SPOP: variants seen among roughly 807,000 people sequenced by gnomAD.
SPOP encodes speckle type BTB/POZ protein.
A neutral mutation model predicts 45.6 loss-of-function variants in SPOP; 11 were observed. The observed-to-expected ratio is 0.24, with a 90% CI of 0.15 to 0.40. SPOP has a LOEUF of 0.40. Among genes scored for constraint, SPOP ranks in the 10% least tolerant of loss-of-function variants. SPOP has a pLI of 1.00. For synonymous variants in SPOP, 166 were observed against 166.3 expected, an observed-to-expected ratio of 1.00 and a Z score of 0.01; for missense variants, 152 against 465.6, an observed-to-expected ratio of 0.33 and a Z score of 6.20.
At chr17:49,629,251 T>TA (rs1414697222) in intron 1 of SPOP, among the ~76,000 whole-genome samples, 1 of 151,502 alleles carries the variant, frequency 6.6e-6, no homozygotes, top group Non-Finnish European at 1.5e-5. Context: ...AAAAAAAAAA[T>TA]AAAAAATACT....
At chr17:49,628,895 T>C (rs1294127661) in intron 1 of SPOP, among the ~76,000 whole-genome samples, 2 of 152,164 alleles carry the variant, frequency 1.3e-5, no homozygotes, top group Non-Finnish European at 2.9e-5. Flanking sequence ...AACTATTCTA[T>C]ATATCCCTTA....
intron 1 of SPOP, among the ~76,000 whole-genome samples, chr17:49,634,744 A>C (rs1269138407): frequency 6.6e-6 from 1 of 152,254 alleles, no homozygotes; most frequent in Non-Finnish European, 1.5e-5. Context: ...ACTTCAGCCA[A>C]GCCATTTAAA....
At chr17:49,643,889 C>T in intron 1 of SPOP, among the ~76,000 whole-genome samples, 1 of 149,328 alleles carries the variant, frequency 6.7e-6, no homozygotes, top group East Asian at 2.0e-4. Flanking sequence ...GAGATCGTGC[C>T]ACTGCACTCC....
At chr17:49,667,461 C>T (rs777125624) in intron 1 of SPOP, among the ~76,000 whole-genome samples, 9 of 151,062 alleles carry the variant, frequency 6.0e-5, no homozygotes, top group Non-Finnish European at 8.9e-5. Context: ...TGGTGGCATG[C>T]GCCTGTCATC....
In SPOP at chr17:49,644,642, TG is replaced by T. The variant is rs1372757292; in HGVS notation, c.-66-21767del. On this transcript the variant is annotated intron_variant, in intron 1 of 9. Transcript: ENST00000504102. ...TATAATAAAAACAAAACAGCTAAAA[TG>T]GAAGACCTAGATCTGAATCTACCAA... is the stretch of plus-strand genomic sequence containing the variant. 7.2e-5 allele frequency among the ~76,000 whole-genome samples: 11 copies of T among 152,160 alleles called. No individual in the cohort carries two copies. In the South Asian group the frequency reaches 2.3e-3, roughly 32 times the overall value.
chr17:49,616,487 T>C (rs749078911), intron 5 of SPOP, among the ~76,000 whole-genome samples: 123 of 152,052 alleles, frequency 8.1e-4, no homozygotes, highest in Non-Finnish European at 1.1e-3. Context: ...TAAATATGAA[T>C]TAAAACAAAT....
intron 5 of SPOP, among the ~76,000 whole-genome samples, chr17:49,616,324 G>T (rs2676801): frequency 0.072 from 10,889 of 152,136 alleles, 491 homozygotes; most frequent in East Asian, 0.21. Context: ...TGTATTTATT[G>T]TATCAGGATG....
At chr17:49,643,082 G>C (rs990207856) in intron 1 of SPOP, among the ~76,000 whole-genome samples, 11 of 152,166 alleles carry the variant, frequency 7.2e-5, no homozygotes, top group Non-Finnish European at 1.5e-4. Flanking sequence ...GGTCTTATTG[G>C]TTGTCTTAAA....
At chr17:49,642,911 CG>C (rs1319112772) in intron 1 of SPOP, among the ~76,000 whole-genome samples, 1 of 152,212 alleles carries the variant, frequency 6.6e-6, no homozygotes, top group Admixed American at 6.5e-5. Context: ...TGATGGAATA[CG>C]TCATCTATGT....
chr17:49,635,602 GA>G (rs753600624), intron 1 of SPOP, among the ~76,000 whole-genome samples: 1 of 149,884 alleles, frequency 6.7e-6, no homozygotes, highest in Non-Finnish European at 1.5e-5. Flanking sequence ...AAAGTAAAAT[GA>G]AGCCTACAAA....
chr17:49,668,834 T>C (rs1180324390), intron 1 of SPOP, among the ~76,000 whole-genome samples: 2 of 150,698 alleles, frequency 1.3e-5, no homozygotes. Context: ...TGGAGTGCAA[T>C]GGCACGATCT....
At chr17:49,659,664 T>C (rs2072961078) in intron 1 of SPOP, among the ~76,000 whole-genome samples, 1 of 152,190 alleles carries the variant, frequency 6.6e-6, no homozygotes, top group Non-Finnish European at 1.5e-5. Context: ...TTCAAGACCA[T>C]CAACAAGCGG....
At chr17:49,612,612 C>A (rs557020605) in intron 5 of SPOP, among the ~76,000 whole-genome samples, 1 of 152,250 alleles carries the variant, frequency 6.6e-6, no homozygotes, top group African/African-American at 2.4e-5. Context: ...TGTTAGGGTA[C>A]CAAATACAAG....
At chr17:49,612,622 G>C (rs2071998089) in intron 5 of SPOP, among the ~76,000 whole-genome samples, 1 of 152,148 alleles carries the variant, frequency 6.6e-6, no homozygotes, top group African/African-American at 2.4e-5. Context: ...CCAAATACAA[G>C]GATTTATAAA....
At chr17:49,634,021 A>T (rs2072499088) in intron 1 of SPOP, among the ~76,000 whole-genome samples, 1 of 152,200 alleles carries the variant, frequency 6.6e-6, no homozygotes, top group East Asian at 1.9e-4. Flanking sequence ...CTGCTTAAAA[A>T]AAAAAAAAAC....
intron 1 of SPOP, among the ~76,000 whole-genome samples, chr17:49,637,870 T>C (rs994170459): frequency 2.0e-5 from 3 of 152,256 alleles, no homozygotes; most frequent in Non-Finnish European, 4.4e-5. Context: ...CCATGTATCC[T>C]ATGGTTTTCT....
rs2073057932 is a variant in SPOP at position 49,666,370 on chromosome 17, A to T, written c.-67+11563T>A. Reference sequence around the variant, plus strand: ...GATTAGAGACCTAAAGGTGAAAAGCAAACTTTTACAACTTTTAGAAGAAAA... The same window carrying T: ...GATTAGAGACCTAAAGGTGAAAAGCTAACTTTTACAACTTTTAGAAGAAAA... On this transcript the variant is annotated intron_variant, in intron 1 of 9. Coordinates refer to ENST00000504102, the MANE Select transcript of SPOP (RefSeq NM_001007228.2). 2.0e-5 allele frequency among the ~76,000 whole-genome samples: 3 copies of T among 152,070 alleles called. No homozygotes were observed. The South Asian group carries it at 6.2e-4, about 31-fold the overall frequency.
At chr17:49,644,669 C>T (rs1412108575) in intron 1 of SPOP, among the ~76,000 whole-genome samples, 1 of 152,072 alleles carries the variant, frequency 6.6e-6, no homozygotes, top group Admixed American at 6.6e-5. Context: ...AATCTACCAA[C>T]ATGTACAGAT....
At chr17:49,669,763 CAAAAAAAAA>C (rs3034924) in intron 1 of SPOP, among the ~76,000 whole-genome samples, 4 of 103,272 alleles carry the variant, frequency 3.9e-5, no homozygotes, top group Admixed American at 1.2e-4. Context: ...GACTCTGCCT[CAAAAAAAAA>C]AAAAAAAAAA....
Sources: gnomAD v4.1 joint callset for allele counts (sites outside exome capture counted in the v4.1 genomes callset) on GRCh38, gnomAD v4.1.1 for gene constraint, MANE v1.5 for transcripts, NCBI Gene and HGNC (gene_info 2026-07-23, HGNC 2026-07-21) for gene names.